Variants in CSMD2 observed in about 807,000 individuals in gnomAD.
The protein encoded by CSMD2 is CUB and Sushi multiple domains 2, also known as CUB and sushi domain-containing protein 2.
In CSMD2, 130 loss-of-function variants were observed where a neutral mutation model predicts 398.5. That is an observed-to-expected ratio of 0.33 (90% CI 0.28 to 0.38). The LOEUF is 0.38. CSMD2 is among the 10% of genes least tolerant of loss of function. The probability of loss-of-function intolerance (pLI) is 1.00; values close to 1 mark genes in which losing one functional copy is unlikely to be tolerated. For missense variants in CSMD2, 3,829 were observed against 4,764.9 expected, an observed-to-expected ratio of 0.80 and a Z score of 5.78; for synonymous variants, 1,828 against 1,908.5, an observed-to-expected ratio of 0.96 and a Z score of 1.10.
chr1:34,157,058 C>T (rs1038456157), intron 1 of CSMD2, among the ~76,000 whole-genome samples: 2 of 152,242 alleles, frequency 1.3e-5, no homozygotes, highest in East Asian at 3.9e-4. Context: ...CCCTGGGGTT[C>T]CTGGTTTGTG....
Position 33,636,318 on chromosome 1 carries a change from C to A in CSMD2, c.4969+42G>T. 1 of 1,529,598 alleles carries A rather than the reference C, an allele frequency of 6.5e-7. No homozygotes were observed. The highest frequency in any genetic ancestry group is 8.8e-7 in the Non-Finnish European group (1 of 1,130,216). 94.8% of individuals were successfully genotyped at this position (1,529,598 alleles called of 1,614,324 possible). ...ACAGCACCCTCTGCCCCTGGCATGCCCTCAGTTCCTCAGACCCCTGCCATC... is the reference window on the plus strand; with the variant it reads ...ACAGCACCCTCTGCCCCTGGCATGCACTCAGTTCCTCAGACCCCTGCCATC... On this transcript the variant is annotated intron_variant, in intron 30 of 70. Transcript: ENST00000373381. The surrounding 1 kb of genome is among the most constrained non-coding windows in gnomAD (Gnocchi z 4.8).
intron 11 of CSMD2, among the ~76,000 whole-genome samples, 163 bp from the exon 12 acceptor site, chr1:33,788,875 C>T (rs377185298): frequency 2.6e-5 from 4 of 152,274 alleles, no homozygotes; most frequent in East Asian, 1.9e-4. Context: ...AGCATGCTCT[C>T]CCTGTGCTGG....
At chr1:34,115,058 T>C (rs1336582041) in intron 1 of CSMD2, among the ~76,000 whole-genome samples, 1 of 150,348 alleles carries the variant, frequency 6.7e-6, no homozygotes, top group African/African-American at 2.5e-5. Context: ...GAGGAACAAA[T>C]AGAAAAAAGA....
chr1:34,048,656 A>C (rs80071449), intron 2 of CSMD2, among the ~76,000 whole-genome samples: 1 of 152,282 alleles, frequency 6.6e-6, no homozygotes, highest in East Asian at 1.9e-4. Context: ...TCTGTACCAC[A>C]ATGCCCTTCC....
chr1:33,830,991 C>A (rs946966683), intron 6 of CSMD2, among the ~76,000 whole-genome samples: 1 of 152,134 alleles, frequency 6.6e-6, no homozygotes, highest in African/African-American at 2.4e-5. Flanking sequence ...AACAAAGATT[C>A]CAAGAAATAT....
chr1:34,150,221 ACAGGCGTGTGCCG>A, intron 1 of CSMD2, among the ~76,000 whole-genome samples: 1 of 152,024 alleles, frequency 6.6e-6, no homozygotes, highest in Non-Finnish European at 1.5e-5. Flanking sequence ...TGCTGGGACT[ACAGGCGTGTGCCG>A]CCACCACACC....
chr1:33,953,227 A>G (rs1020508288), intron 3 of CSMD2, among the ~76,000 whole-genome samples: 10 of 152,216 alleles, frequency 6.6e-5, no homozygotes, highest in African/African-American at 2.2e-4. Flanking sequence ...TGTGTCTCCA[A>G]GGTGGAAGGA....
At chr1:34,064,907 G>A (rs866956257) in intron 2 of CSMD2, among the ~76,000 whole-genome samples, 7 of 152,132 alleles carry the variant, frequency 4.6e-5, no homozygotes, top group Non-Finnish European at 1.0e-4. Flanking sequence ...GAAAAATGAG[G>A]AAGATGCAAA....
intron 13 of CSMD2, among the ~76,000 whole-genome samples, chr1:33,751,854 C>T (rs1648297631): frequency 6.6e-6 from 1 of 151,412 alleles, no homozygotes; most frequent in Admixed American, 6.6e-5. Flanking sequence ...CTTGATCTTT[C>T]GACCTCATGA....
chr1:33,787,374 G>T (rs1412371746), intron 12 of CSMD2, among the ~76,000 whole-genome samples: 1 of 152,180 alleles, frequency 6.6e-6, no homozygotes, highest in African/African-American at 2.4e-5. Flanking sequence ...GTACACTGGG[G>T]GTATGCTGTG....
intron 44 of CSMD2, among the ~76,000 whole-genome samples, chr1:33,593,250 C>A (rs1382396276): frequency 6.6e-6 from 1 of 152,172 alleles, no homozygotes; most frequent in Non-Finnish European, 1.5e-5. Flanking sequence ...TAATCTCTGG[C>A]CACCCTTTTA....
rs1277188881 is a variant in CSMD2 at position 33,533,440 on chromosome 1, G to C, written c.9992-211C>G. 1.3e-5 allele frequency among the ~76,000 whole-genome samples: 2 copies of C among 152,168 alleles called. No individual in the cohort carries two copies. Among genetic ancestry groups the C allele is most frequent in the African/African-American group, 2.4e-5 (1 of 41,434 alleles). ...TGGAGATCATGTGGATATCGGCTTG[G>C]TTGACTCTGAGTTGGGGGAACTTAA... On this transcript the variant is annotated intron_variant, in intron 63 of 70. Coordinates refer to ENST00000373381, the MANE Select transcript of CSMD2 (RefSeq NM_001281956.2). The surrounding 1 kb of genome is among the most constrained non-coding windows in gnomAD (Gnocchi z 4.2).
At chr1:33,822,758 A>G (rs1658305635) in intron 7 of CSMD2, among the ~76,000 whole-genome samples, 1 of 152,126 alleles carries the variant, frequency 6.6e-6, no homozygotes, top group African/African-American at 2.4e-5. Context: ...AGGCACCCAG[A>G]AGGTGGGAAG....
chr1:33,878,522 C>G (rs182444979), intron 5 of CSMD2, among the ~76,000 whole-genome samples: 1 of 152,354 alleles, frequency 6.6e-6, no homozygotes, highest in Non-Finnish European at 1.5e-5. Context: ...TATTGTGACA[C>G]AGCACAGCCA....
chr1:33,605,565 C>T, intron 41 of CSMD2, 95 bp from the exon 42 acceptor site: 3 of 1,253,534 alleles, frequency 2.4e-6, no homozygotes, highest in Non-Finnish European at 3.4e-6. Flanking sequence ...GATTTGGACT[C>T]AGATGGACCT....
Position 33,820,563 on chromosome 1 carries a change from G to C in CSMD2, c.1112-7C>G. On this transcript the variant is annotated splice_polypyrimidine_tract_variant and splice_region_variant and intron_variant, in intron 7 of 70. Transcript: ENST00000373381. ...GACACACCAACCTGAGTTACTACAA[G>C]GCAAAAAAAAAAAAAAAAAAAAAAA... 2.0e-5 allele frequency: 10 copies of C among 506,120 alleles called. No individual in the cohort carries two copies. The highest frequency in any genetic ancestry group is 2.9e-5 in the Non-Finnish European group (10 of 339,088). The allele number at this position is 506,120 out of a possible 1,614,324, so 31.4% of individuals were successfully genotyped here. A position where few individuals can be genotyped will look rare whatever the true frequency, so the allele number is the denominator to read the frequency against.
chr1:33,714,515 C>A, intron 21 of CSMD2, 72 bp downstream of exon 21: 1 of 1,526,420 alleles, frequency 6.6e-7, no homozygotes, highest in South Asian at 1.2e-5. Flanking sequence ...TGCCGTCCAC[C>A]ACCTCACATC....
At chr1:33,732,316 T>C (rs762135304) in intron 15 of CSMD2, among the ~76,000 whole-genome samples, 148 of 152,200 alleles carry the variant, frequency 9.7e-4, no homozygotes, top group Admixed American at 1.0e-3. Flanking sequence ...GTGTTATGGA[T>C]GGAATTGTGT....
At chr1:34,062,356 G>T (rs1246598582) in intron 2 of CSMD2, among the ~76,000 whole-genome samples, 1 of 152,150 alleles carries the variant, frequency 6.6e-6, no homozygotes, top group African/African-American at 2.4e-5. Flanking sequence ...ACATCCATCA[G>T]GGGTGTCCAT....
Sources: allele counts gnomAD v4.1 joint callset (sites outside exome capture counted in the v4.1 genomes callset), GRCh38; gene constraint gnomAD v4.1.1; non-coding constraint Gnocchi (gnomAD v3.1); transcripts MANE v1.5; gene names NCBI Gene and HGNC (gene_info 2026-07-23, HGNC 2026-07-21).